The following FRMD4A variants were observed in gnomAD, a reference collection of about 807,000 sequenced individuals.
The protein encoded by FRMD4A is FERM domain-containing protein 4A.
In FRMD4A, 29 loss-of-function variants were observed where a neutral mutation model predicts 129.1. The observed-to-expected ratio is 0.22, with a 90% CI of 0.17 to 0.31. The LOEUF is 0.31. FRMD4A is among the 10% of genes least tolerant of loss of function. The pLI is 1.00. For synonymous variants in FRMD4A, 634 were observed against 571.6 expected, an observed-to-expected ratio of 1.11 and a Z score of -1.56; for missense variants, 1,272 against 1,375.8, an observed-to-expected ratio of 0.92 and a Z score of 1.19.
chr10:14,068,641 A>G (rs1171531228), intron 2 of FRMD4A, among the ~76,000 whole-genome samples: 1 of 152,226 alleles, frequency 6.6e-6, no homozygotes, highest in African/African-American at 2.4e-5. Context: ...TACAGAAACA[A>G]ACTTTACATT....
intron 3 of FRMD4A, among the ~76,000 whole-genome samples, chr10:13,812,230 A>G (rs188933581): frequency 1.1e-3 from 173 of 152,316 alleles, no homozygotes; most frequent in African/African-American, 4.1e-3. Flanking sequence ...ACTGAATTAT[A>G]TCTCCCCAAA....
intron 2 of FRMD4A, among the ~76,000 whole-genome samples, chr10:14,010,744 A>C (rs2095679348): frequency 7.1e-6 from 1 of 141,240 alleles, no homozygotes; most frequent in Non-Finnish European, 1.5e-5. Context: ...TCCTGGGCTC[A>C]AGCAATCTCC....
At chr10:14,157,729 G>A (rs573246580) in intron 2 of FRMD4A, among the ~76,000 whole-genome samples, 13 of 152,196 alleles carry the variant, frequency 8.5e-5, no homozygotes, top group African/African-American at 2.2e-4. Context: ...GACACAAGGC[G>A]GATTTCTAAC....
intron 2 of FRMD4A, chr10:14,087,723 A>G (rs901019480): frequency 3.9e-5 from 6 of 152,226 alleles, no homozygotes; most frequent in African/African-American, 1.2e-4. Context: ...CGAAATGTGA[A>G]CATCTATTTC....
At chr10:13,707,454 G>C in intron 12 of FRMD4A, 1 of 1,041,170 alleles carries the variant, frequency 9.6e-7, no homozygotes, top group East Asian at 7.4e-5. Flanking sequence ...AGAGGGAGGA[G>C]AGGTGGAGAC....
intron 2 of FRMD4A, among the ~76,000 whole-genome samples, chr10:13,996,031 A>G (rs1301741012): frequency 6.6e-6 from 1 of 152,176 alleles, no homozygotes; most frequent in Non-Finnish European, 1.5e-5. Flanking sequence ...GAAGCTGGAA[A>G]GTCTAATATT....
At chr10:14,170,559 G>A (rs1457818670) in intron 2 of FRMD4A, among the ~76,000 whole-genome samples, 1 of 152,192 alleles carries the variant, frequency 6.6e-6, no homozygotes, top group African/African-American at 2.4e-5. Flanking sequence ...GGGAAGTTAG[G>A]TGATTGTAAA....
intron 2 of FRMD4A, among the ~76,000 whole-genome samples, chr10:14,164,624 T>C (rs1389634815): frequency 1.3e-5 from 2 of 152,190 alleles, no homozygotes; most frequent in African/African-American, 4.8e-5. Context: ...GCACGTGGTA[T>C]TGGGAAGAAG....
chr10:14,107,153 T>C (rs997778035), intron 2 of FRMD4A, among the ~76,000 whole-genome samples: 1 of 152,046 alleles, frequency 6.6e-6, no homozygotes, highest in Non-Finnish European at 1.5e-5. Flanking sequence ...AAACACTGGG[T>C]ACTCATGGAC....
chr10:13,698,926 G>A (rs572601600), intron 14 of FRMD4A, among the ~76,000 whole-genome samples: 2 of 152,274 alleles, frequency 1.3e-5, no homozygotes, highest in African/African-American at 4.8e-5. Flanking sequence ...TTCTGGGAGC[G>A]TGGGCATTTT....
intron 6 of FRMD4A, among the ~76,000 whole-genome samples, chr10:13,778,368 C>T (rs2092651808): frequency 6.6e-6 from 1 of 151,832 alleles, no homozygotes; most frequent in African/African-American, 2.4e-5. Flanking sequence ...TATCTTTTCC[C>T]TCCATTCGGC....
chr10:14,308,792 A>G (rs1846438122), intron 2 of FRMD4A, among the ~76,000 whole-genome samples: 1 of 152,186 alleles, frequency 6.6e-6, no homozygotes, highest in African/African-American at 2.4e-5. Context: ...CCATAATCAC[A>G]TGGTACTTAC....
intron 2 of FRMD4A, among the ~76,000 whole-genome samples, chr10:14,129,627 A>G (rs1839137010): frequency 6.6e-6 from 1 of 151,908 alleles, no homozygotes; most frequent in Non-Finnish European, 1.5e-5. Flanking sequence ...TCTGGGAACA[A>G]AGGTCATTCT....
chr10:13,685,069 G>A (rs2084949571), intron 15 of FRMD4A: 2 of 984,994 alleles, frequency 2.0e-6, no homozygotes. Context: ...GAGACCACGG[G>A]AAATAATGCC....
chr10:13,820,585 A>G (rs1038868919), intron 3 of FRMD4A, among the ~76,000 whole-genome samples: 3 of 151,986 alleles, frequency 2.0e-5, no homozygotes, highest in African/African-American at 4.8e-5. Flanking sequence ...AGCAGTAACC[A>G]TCAGGTGACT....
chr10:14,118,287 G>C (rs2131806540), intron 2 of FRMD4A, among the ~76,000 whole-genome samples: 1 of 152,300 alleles, frequency 6.6e-6, no homozygotes, highest in Admixed American at 6.5e-5. Context: ...CCTTAGGTGA[G>C]AGAGAGCCGT....
chr10:13,838,135 C>A (rs777075754), intron 3 of FRMD4A, among the ~76,000 whole-genome samples: 1 of 152,172 alleles, frequency 6.6e-6, no homozygotes, highest in Non-Finnish European at 1.5e-5. Flanking sequence ...GTTGCCCAGG[C>A]CTGAGTGCAG....
rs752781020 is a variant in FRMD4A at position 13,657,539 on chromosome 10, C to T, written c.2067-17G>A. On this transcript the variant is annotated splice_polypyrimidine_tract_variant and intron_variant, in intron 21 of 24. Coordinates refer to ENST00000357447, the MANE Select transcript of FRMD4A (RefSeq NM_018027.5). ...TCCACCGACCTGCCGGGAGACGACCCGGGTTGGTCTGGGGGTGGGGAGTGG... is the reference window on the plus strand; with the variant it reads ...TCCACCGACCTGCCGGGAGACGACCTGGGTTGGTCTGGGGGTGGGGAGTGG... The T allele has an allele frequency of 2.5e-5, 30 of 1,177,842 alleles. No individual in the cohort carries two copies. The highest frequency in any genetic ancestry group is 5.6e-5 in the East Asian group (1 of 17,948). The allele number at this position is 1,177,842 out of a possible 1,614,324, so 73.0% of individuals were successfully genotyped here. A position where few individuals can be genotyped will look rare whatever the true frequency, so the allele number is the denominator to read the frequency against.
intron 2 of FRMD4A, among the ~76,000 whole-genome samples, chr10:13,945,347 T>C (rs1021918449): frequency 2.0e-5 from 3 of 152,162 alleles, no homozygotes; most frequent in Admixed American, 6.6e-5. Flanking sequence ...TGATTTTTTT[T>C]AAGTAATGGT....
Sources: allele counts gnomAD v4.1 joint callset (sites outside exome capture counted in the v4.1 genomes callset), GRCh38; gene constraint gnomAD v4.1.1; transcripts MANE v1.5; gene names NCBI Gene and HGNC (gene_info 2026-07-23, HGNC 2026-07-21).